Variants in AVEN observed in about 807,000 individuals in gnomAD.
AVEN encodes the protein cell death regulator Aven.
In AVEN, 41 loss-of-function variants were observed where a neutral mutation model predicts 38.1. The observed-to-expected ratio is 1.08, with a 90% CI of 0.84 to 1.40. The LOEUF is 1.40. Among genes scored for constraint, AVEN ranks in the 40% most tolerant of loss-of-function variants. AVEN has a pLI of 0.00. For missense variants in AVEN, 605 were observed against 438.8 expected (o/e 1.38, Z -3.38); for synonymous variants, 206 against 171.8 (o/e 1.20, Z -1.56).
intron 1 of AVEN, among the ~76,000 whole-genome samples, chr15:34,017,249 G>T (rs1055896978): frequency 5.3e-5 from 8 of 152,044 alleles, no homozygotes; most frequent in African/African-American, 1.9e-4. Context: ...CTAGAACTGA[G>T]CTCTCATACA....
intron 1 of AVEN, among the ~76,000 whole-genome samples, chr15:34,029,683 G>T (rs916412476): frequency 1.3e-5 from 2 of 152,192 alleles, no homozygotes; most frequent in African/African-American, 4.8e-5. Flanking sequence ...AGGAAGCCAA[G>T]CTTTGTCTTC....
upstream of AVEN, among the ~76,000 whole-genome samples, chr15:34,042,399 T>G (rs994906932): frequency 9.4e-4 from 139 of 148,346 alleles, no homozygotes; most frequent in African/African-American, 3.3e-3. Flanking sequence ...GACCTAAGTT[T>G]TTTTTTTTTT....
chr15:33,904,352 C>T (rs988393019), intron 2 of AVEN, among the ~76,000 whole-genome samples: 8 of 152,134 alleles, frequency 5.3e-5, no homozygotes, highest in East Asian at 3.8e-4. Flanking sequence ...CCCAGGAGTT[C>T]GAAACTGCAG....
intron 11 of AVEN, among the ~76,000 whole-genome samples, chr15:33,859,346 CT>C (rs1471924319): frequency 6.6e-6 from 1 of 152,188 alleles, no homozygotes; most frequent in Non-Finnish European, 1.5e-5. Context: ...CTAAAAATAC[CT>C]TTTAAAAGCC....
At chr15:34,047,320 G>A (rs35804445) in intron 5 of AVEN, among the ~76,000 whole-genome samples, 25,013 of 152,014 alleles carry the variant, frequency 0.16, 2,324 homozygotes, top group Middle Eastern at 0.28. Context: ...CTGATGATCC[G>A]CCCGTGTCAG....
chr15:33,887,281 G>T (rs183884026), intron 2 of AVEN, among the ~76,000 whole-genome samples: 107 of 152,230 alleles, frequency 7.0e-4, no homozygotes, highest in Middle Eastern at 3.4e-3. Flanking sequence ...CAGCTTCTAG[G>T]GGAGGGATTG....
At chr15:33,969,471 A>G (rs1019780790) in intron 2 of AVEN, among the ~76,000 whole-genome samples, 10 of 152,186 alleles carry the variant, frequency 6.6e-5, no homozygotes, top group Admixed American at 5.9e-4. Flanking sequence ...AGAGCCATTC[A>G]CAGATAATGT....
At chr15:34,025,445 T>TACTTC (rs1898414808) in intron 1 of AVEN, among the ~76,000 whole-genome samples, 1 of 152,108 alleles carries the variant, frequency 6.6e-6, no homozygotes, top group Non-Finnish European at 1.5e-5. Flanking sequence ...ACTAGAGTGG[T>TACTTC]TAGGATGCCA....
intron 5 of AVEN, among the ~76,000 whole-genome samples, chr15:34,048,970 T>C (rs1382447348): frequency 6.6e-6 from 1 of 151,388 alleles, no homozygotes; most frequent in Non-Finnish European, 1.5e-5. Context: ...TGTGGAAGAG[T>C]TGTCTGACTG....
At chr15:34,039,251 A>G (rs1899351816), upstream of AVEN, 1 of 236,960 alleles carries the variant, frequency 4.2e-6, no homozygotes, top group Non-Finnish European at 7.1e-6. Context: ...GTGGGGCCGG[A>G]ACCGGGACCG....
intron 5 of AVEN, chr15:34,046,650 A>G (rs1024464353): frequency 6.6e-6 from 1 of 152,290 alleles, no homozygotes; most frequent in African/African-American, 2.4e-5. Flanking sequence ...AATATGGCCA[A>G]GATGGCGGAT....
At chr15:33,985,176 A>G (rs11856529) in intron 2 of AVEN, among the ~76,000 whole-genome samples, 63,478 of 151,680 alleles carry the variant, frequency 0.42, 13,749 homozygotes, top group Middle Eastern at 0.53. Context: ...CTAACAGGTT[A>G]GCCTGTTACT....
intron 2 of AVEN, among the ~76,000 whole-genome samples, chr15:34,000,534 C>G (rs976310626): frequency 6.6e-6 from 1 of 152,128 alleles, no homozygotes; most frequent in Non-Finnish European, 1.5e-5. Context: ...CCTAAGGAAC[C>G]AACAATATTT....
At chr15:34,073,447 C>A (rs11853879) in intron 1 of AVEN, among the ~76,000 whole-genome samples, 20,863 of 47,240 alleles carry the variant, frequency 0.44, 1,659 homozygotes, top group South Asian at 0.56. Flanking sequence ...GTCATTCAAA[C>A]TCTTCAAAAA....
chr15:33,938,317 T>C lies in AVEN; in HGVS notation c.446-62322A>G, dbSNP rs182067545. Among the ~76,000 whole-genome samples, 877 of 151,994 alleles carry C rather than the reference T, an allele frequency of 5.8e-3. 6 individuals carry two copies. Among genetic ancestry groups the C allele is most frequent in the African/African-American group, 0.02 (839 of 41,462 alleles). On this transcript the variant is annotated intron_variant, in intron 2 of 5. Coordinates refer to ENST00000306730, the MANE Select transcript of AVEN (RefSeq NM_020371.3). ...AAAAATACAAAAAATTAGCCGGGCGTGGTGGTGGGCACCTGTAGTACCAGC... is the reference window on the plus strand; with the variant it reads ...AAAAATACAAAAAATTAGCCGGGCGCGGTGGTGGGCACCTGTAGTACCAGC...
chr15:33,985,034 C>T (rs1896362020), intron 2 of AVEN, among the ~76,000 whole-genome samples: 1 of 152,074 alleles, frequency 6.6e-6, no homozygotes, highest in Non-Finnish European at 1.5e-5. Context: ...TATCCCACAG[C>T]ATTCTGTATC....
At chr15:33,857,675 T>C, downstream of AVEN, 1 of 1,439,764 alleles carries the variant, frequency 6.9e-7, no homozygotes, top group Middle Eastern at 1.8e-4. Context: ...TTTCCTCTCC[T>C]TGCCCGTCCT....
intron 2 of AVEN, among the ~76,000 whole-genome samples, chr15:33,919,435 T>C (rs930903677): frequency 2.0e-5 from 3 of 152,176 alleles, no homozygotes; most frequent in Non-Finnish European, 2.9e-5. Flanking sequence ...TTGGTGTATA[T>C]CAGAATCATC....
At chr15:33,952,914 CATTTAT>C (rs1256551799) in intron 2 of AVEN, among the ~76,000 whole-genome samples, 2 of 150,210 alleles carry the variant, frequency 1.3e-5, no homozygotes, top group Admixed American at 1.3e-4. Context: ...AGCATCCCAA[CATTTAT>C]ATTAGAAAAT....
Sources: gnomAD v4.1 joint callset for allele counts (sites outside exome capture counted in the v4.1 genomes callset) on GRCh38, gnomAD v4.1.1 for gene constraint, MANE v1.5 for transcripts, NCBI Gene and HGNC (gene_info 2026-07-23, HGNC 2026-07-21) for gene names.